TINAG: variants seen among roughly 807,000 people sequenced by gnomAD.
TINAG encodes tubulointerstitial nephritis antigen.
Under a neutral mutation model 72.7 loss-of-function variants are expected in TINAG, and 83 were observed. The ratio of observed to expected loss-of-function variants is 1.14; its 90% confidence interval spans 0.96 to 1.37. TINAG has a LOEUF of 1.37. Among genes scored for constraint, TINAG ranks in the 40% most tolerant of loss-of-function variants. The probability of loss-of-function intolerance (pLI) is 0.00; values close to 1 mark genes in which losing one functional copy is unlikely to be tolerated. For missense variants in TINAG, 685 were observed against 576.6 expected, an observed-to-expected ratio of 1.19 and a Z score of -1.93; for synonymous variants, 234 against 189.9, an observed-to-expected ratio of 1.23 and a Z score of -1.91.
intron 9 of TINAG, among the ~76,000 whole-genome samples, chr6:54,378,385 C>T (rs183171790): frequency 1.4e-4 from 22 of 152,210 alleles, no homozygotes; most frequent in East Asian, 1.2e-3. Context: ...GCTATTCTCT[C>T]TGGGTTTAGA....
intron 9 of TINAG, among the ~76,000 whole-genome samples, chr6:54,363,838 T>C (rs1392727428): frequency 1.3e-5 from 2 of 151,456 alleles, no homozygotes; most frequent in Admixed American, 1.3e-4. Context: ...GTTGCTAATG[T>C]AGGGTTTCTT....
At position 54,347,463 on chromosome 6, in the gene TINAG, A is replaced by T. The variant is rs746483047; in HGVS notation, c.845A>T (p.His282Leu). Reference protein sequence around the residue: ...NLISCCAKNRHGCNSGSIDRA... With the variant: ...NLISCCAKNRLGCNSGSIDRA... ...ATCTCTTGCTGTGCCAAGAACCGTC[A>T]TGGATGCAATAGTGGAAGCATCGAT... Residue 282 changes from histidine (H) to leucine (L), a missense_variant, in exon 6 of 11, where the codon CAT becomes CTT. His to Leu is a moderately conservative substitution (Grantham distance 99). Transcript: ENST00000259782. 21 of 1,613,312 alleles carry T rather than the reference A, an allele frequency of 1.3e-5. No individual in the cohort carries two copies. In the South Asian group the frequency reaches 2.2e-4, roughly 17 times the overall value.
At chr6:54,335,040 T>C (rs1224589919) in intron 4 of TINAG, among the ~76,000 whole-genome samples, 1 of 152,188 alleles carries the variant, frequency 6.6e-6, no homozygotes, top group Non-Finnish European at 1.5e-5. Context: ...CAGACCTTTA[T>C]AAGGTTTGCT....
At chr6:54,314,740 T>G (rs16885213) in intron 1 of TINAG, among the ~76,000 whole-genome samples, 16,098 of 152,202 alleles carry the variant, frequency 0.11, 975 homozygotes, top group African/African-American at 0.16. Flanking sequence ...GTACTTGAGA[T>G]TTTCTTATTT....
At chr6:54,389,195 T>C (rs1282465466) in intron 10 of TINAG, among the ~76,000 whole-genome samples, 1 of 152,206 alleles carries the variant, frequency 6.6e-6, no homozygotes, top group Non-Finnish European at 1.5e-5. Context: ...TTTATGCTTT[T>C]ACTGTTTTCC....
intron 4 of TINAG, among the ~76,000 whole-genome samples, chr6:54,332,953 AAAG>A (rs1335572126): frequency 6.6e-6 from 1 of 152,206 alleles, no homozygotes; most frequent in Non-Finnish European, 1.5e-5. Context: ...CAATCATTAA[AAAG>A]TCAGGAAACA....
intron 10 of TINAG, among the ~76,000 whole-genome samples, chr6:54,382,249 A>G (rs1035464538): frequency 1.3e-5 from 2 of 152,100 alleles, no homozygotes; most frequent in Non-Finnish European, 2.9e-5. Flanking sequence ...GAATCAGACT[A>G]AAATTTATAA....
intron 4 of TINAG, among the ~76,000 whole-genome samples, chr6:54,335,461 G>A (rs921844461): frequency 4.6e-5 from 7 of 152,118 alleles, no homozygotes; most frequent in South Asian, 2.1e-4. Context: ...TTACACTTAC[G>A]ATGTAAGTCA....
intron 9 of TINAG, among the ~76,000 whole-genome samples, chr6:54,369,280 G>C (rs1037945958): frequency 4.0e-5 from 6 of 151,802 alleles, no homozygotes; most frequent in Non-Finnish European, 8.8e-5. Flanking sequence ...TTCAGTGATA[G>C]TGAAAATTAG....
At chr6:54,348,279 A>G (rs1321057089) in intron 6 of TINAG, among the ~76,000 whole-genome samples, 1 of 152,120 alleles carries the variant, frequency 6.6e-6, no homozygotes, top group East Asian at 1.9e-4. Flanking sequence ...CGTTTTGCCT[A>G]AAATGTGGTA....
chr6:54,337,631 T>C (rs1490305082), intron 4 of TINAG, among the ~76,000 whole-genome samples: 1 of 152,164 alleles, frequency 6.6e-6, no homozygotes, highest in Non-Finnish European at 1.5e-5. Flanking sequence ...ATACCATATG[T>C]CACCCTTATA....
intron 10 of TINAG, among the ~76,000 whole-genome samples, chr6:54,382,565 TTATCCC>T (rs1171883562): frequency 2.6e-5 from 4 of 152,122 alleles, no homozygotes; most frequent in Non-Finnish European, 4.4e-5. Context: ...GTCTGAGATA[TTATCCC>T]ACAGATATAG....
At chr6:54,338,406 T>C (rs1361905545) in intron 4 of TINAG, among the ~76,000 whole-genome samples, 1 of 152,154 alleles carries the variant, frequency 6.6e-6, no homozygotes, top group Non-Finnish European at 1.5e-5. Flanking sequence ...TGGGTCTGTC[T>C]TGACCTAAAG....
intron 10 of TINAG, 101 bp downstream of exon 10, chr6:54,380,672 C>A (rs1763919447): frequency 1.1e-6 from 1 of 885,640 alleles, no homozygotes; most frequent in Non-Finnish European, 1.8e-6. Flanking sequence ...ACATCCTCAG[C>A]TGTGTAATAT....
At chr6:54,388,643 T>C (rs1201029870) in intron 10 of TINAG, among the ~76,000 whole-genome samples, 2 of 152,188 alleles carry the variant, frequency 1.3e-5, no homozygotes, top group East Asian at 3.9e-4. Context: ...CATTTAGTTG[T>C]GGAACTAACT....
intron 8 of TINAG, among the ~76,000 whole-genome samples, chr6:54,354,080 T>C (rs1785331889): frequency 6.6e-6 from 1 of 151,912 alleles, no homozygotes; most frequent in South Asian, 2.1e-4. Context: ...AAGGTTTGTA[T>C]TTACTTATGA....
intron 4 of TINAG, among the ~76,000 whole-genome samples, chr6:54,329,239 C>G (rs1034882164): frequency 6.6e-6 from 1 of 152,102 alleles, no homozygotes; most frequent in Non-Finnish European, 1.5e-5. Flanking sequence ...ATCAGATTAT[C>G]CACAAAGGGA....
intron 9 of TINAG, among the ~76,000 whole-genome samples, chr6:54,356,638 G>A (rs887985022): frequency 2.0e-5 from 3 of 151,904 alleles, no homozygotes; most frequent in African/African-American, 7.2e-5. Context: ...CTCTGTTAGT[G>A]AAAAGTTTGA....
At chr6:54,317,847 C>A (rs1425251151) in intron 1 of TINAG, among the ~76,000 whole-genome samples, 6 of 152,096 alleles carry the variant, frequency 3.9e-5, no homozygotes. Context: ...GATGTCAGCT[C>A]CCTGCTACTT....
Sources: allele counts gnomAD v4.1 joint callset (sites outside exome capture counted in the v4.1 genomes callset), GRCh38; gene constraint gnomAD v4.1.1; transcripts MANE v1.5; gene names NCBI Gene and HGNC (gene_info 2026-07-23, HGNC 2026-07-21).